Variants in EPHB1 observed in about 807,000 individuals in gnomAD.
EPHB1 encodes EPH receptor B1, also known as ephrin type-B receptor 1.
In EPHB1, 30 loss-of-function variants were observed where a neutral mutation model predicts 94.4. That is an observed-to-expected ratio of 0.32 (90% CI 0.24 to 0.43). EPHB1 has a LOEUF of 0.43. EPHB1 is among the 20% of genes least tolerant of loss of function. EPHB1 has a pLI of 1.00. For missense variants in EPHB1, 1,055 were observed against 1,308.3 expected (o/e 0.81, Z 2.99); for synonymous variants, 522 against 489.1 (o/e 1.07, Z -0.89).
At chr3:135,238,392 C>T (rs946133758) in intron 12 of EPHB1, among the ~76,000 whole-genome samples, 1 of 152,154 alleles carries the variant, frequency 6.6e-6, no homozygotes, top group Non-Finnish European at 1.5e-5. Flanking sequence ...CAGTGAGGCC[C>T]AACAGTGCAA....
At chr3:134,941,020 A>T (rs181786995) in intron 2 of EPHB1, among the ~76,000 whole-genome samples, 1 of 152,358 alleles carries the variant, frequency 6.6e-6, no homozygotes, top group East Asian at 1.9e-4. Flanking sequence ...TGTCTTAAAT[A>T]AAGGTGTCCA....
intron 15 of EPHB1, among the ~76,000 whole-genome samples, chr3:135,253,083 TTTGA>T (rs1324587812): frequency 6.7e-6 from 1 of 149,876 alleles, no homozygotes; most frequent in African/African-American, 2.4e-5. Context: ...TGTAAATTTG[TTTGA>T]GTTCATTGTA....
chr3:135,246,496 G>A (rs1943927550), intron 13 of EPHB1, among the ~76,000 whole-genome samples: 1 of 152,144 alleles, frequency 6.6e-6, no homozygotes. Context: ...GATTACTATG[G>A]CAGCTCAACA....
intron 12 of EPHB1, among the ~76,000 whole-genome samples, chr3:135,211,769 C>T (rs1450770843): frequency 1.3e-5 from 2 of 152,152 alleles, no homozygotes; most frequent in African/African-American, 4.8e-5. Flanking sequence ...AAGATTTTCT[C>T]ATTATCTTTA....
chr3:135,208,827 G>A (rs547270897), intron 12 of EPHB1, among the ~76,000 whole-genome samples: 1 of 152,286 alleles, frequency 6.6e-6, no homozygotes. Flanking sequence ...ATAGCAAGGA[G>A]TACAGCTGGC....
chr3:134,923,636 G>A (rs1411749912), intron 1 of EPHB1, among the ~76,000 whole-genome samples: 1 of 152,206 alleles, frequency 6.6e-6, no homozygotes, highest in East Asian at 1.9e-4. Flanking sequence ...CTTTGGGATT[G>A]AGTGAGCAAT....
intron 3 of EPHB1, among the ~76,000 whole-genome samples, chr3:135,089,376 A>C (rs1383942779): frequency 2.0e-5 from 3 of 152,232 alleles, no homozygotes; most frequent in Non-Finnish European, 4.4e-5. Context: ...AAATGGGATT[A>C]TTCTGAGTAA....
chr3:135,096,893 C>T lies in EPHB1; in HGVS notation c.806-9555C>T, dbSNP rs6767090. On this transcript the variant is annotated intron_variant, in intron 3 of 15. Transcript: ENST00000398015. ...GGGGCGGATCACGAGGTCGGGAGAT[C>T]GAGACCATCCTGGCTAACACGGTGA... 1.9e-3 allele frequency among the ~76,000 whole-genome samples: 294 copies of T among 152,096 alleles called. 3 individuals carry two copies. The highest frequency in any genetic ancestry group is 1.0e-3 in the Non-Finnish European group (71 of 67,986).
At chr3:134,806,096 A>T (rs183436972) in intron 1 of EPHB1, among the ~76,000 whole-genome samples, 89 of 152,344 alleles carry the variant, frequency 5.8e-4, no homozygotes, top group Non-Finnish European at 1.1e-3. Flanking sequence ...AAAACCTGAG[A>T]TCATGTCCTA....
chr3:134,818,554 GT>G (rs1560247246), intron 1 of EPHB1, among the ~76,000 whole-genome samples: 1 of 152,044 alleles, frequency 6.6e-6, no homozygotes, highest in Non-Finnish European at 1.5e-5. Context: ...TTACCCCAAA[GT>G]CCCCAAAATC....
In EPHB1 at chr3:135,102,961, C is replaced by G. The variant is rs550756861; in HGVS notation, c.806-3487C>G. 2.9e-3 allele frequency among the ~76,000 whole-genome samples: 435 copies of G among 152,186 alleles called. 1 individual carries two copies. The highest frequency in any genetic ancestry group is 8.4e-3 in the African/African-American group (348 of 41,508). On this transcript the variant is annotated intron_variant, in intron 3 of 15. Coordinates refer to ENST00000398015, the MANE Select transcript of EPHB1 (RefSeq NM_004441.5). ...TGGACACAGGGAAGGGAACGTCACACCCTGGGGCCTGTTGGGGGGTGGGGG... is the reference window on the plus strand; with the variant it reads ...TGGACACAGGGAAGGGAACGTCACAGCCTGGGGCCTGTTGGGGGGTGGGGG...
intron 1 of EPHB1, among the ~76,000 whole-genome samples, chr3:134,810,423 G>C (rs1364235573): frequency 6.6e-6 from 1 of 152,058 alleles, no homozygotes; most frequent in Non-Finnish European, 1.5e-5. Flanking sequence ...TCCACCACCA[G>C]GGCTCACTGG....
intron 3 of EPHB1, among the ~76,000 whole-genome samples, chr3:134,980,428 G>A (rs1239338196): frequency 6.6e-6 from 1 of 151,976 alleles, no homozygotes; most frequent in Non-Finnish European, 1.5e-5. Flanking sequence ...CACAAGCCCA[G>A]CCAGATTCAA....
chr3:135,150,789 T>A (rs1941168214), intron 5 of EPHB1, among the ~76,000 whole-genome samples: 1 of 152,242 alleles, frequency 6.6e-6, no homozygotes. Flanking sequence ...TATTGGTGAC[T>A]CCACATTGGT....
intron 3 of EPHB1, among the ~76,000 whole-genome samples, chr3:135,027,707 C>T (rs75019169): frequency 0.24 from 34,953 of 144,652 alleles, 5,492 homozygotes; most frequent in East Asian, 0.7. Flanking sequence ...TGTCTCTGCC[C>T]GGCTTTGGTA....
intron 4 of EPHB1, among the ~76,000 whole-genome samples, chr3:135,112,157 C>A (rs1396507498): frequency 6.6e-6 from 1 of 152,166 alleles, no homozygotes; most frequent in Non-Finnish European, 1.5e-5. Context: ...CTGATGGGCA[C>A]CATTTGCCTG....
At chr3:134,993,143 C>G (rs1472401188) in intron 3 of EPHB1, among the ~76,000 whole-genome samples, 2 of 152,222 alleles carry the variant, frequency 1.3e-5, no homozygotes, top group Non-Finnish European at 2.9e-5. Flanking sequence ...TAAGAGGTTG[C>G]TAGTCTGCAG....
intron 3 of EPHB1, among the ~76,000 whole-genome samples, chr3:135,009,801 A>G (rs1262586612): frequency 6.6e-6 from 1 of 152,260 alleles, no homozygotes; most frequent in Non-Finnish European, 1.5e-5. Flanking sequence ...TACTTAGAGC[A>G]TTATTTAAAT....
At chr3:134,846,591 C>A (rs757343966) in intron 1 of EPHB1, among the ~76,000 whole-genome samples, 2 of 152,160 alleles carry the variant, frequency 1.3e-5, no homozygotes, top group African/African-American at 4.8e-5. Context: ...TTCTTCTCCA[C>A]GGAGTTGCTT....
Sources: allele counts gnomAD v4.1 joint callset (sites outside exome capture counted in the v4.1 genomes callset), GRCh38; gene constraint gnomAD v4.1.1; transcripts MANE v1.5; gene names NCBI Gene and HGNC (gene_info 2026-07-23, HGNC 2026-07-21).